SNTG2: variants seen among roughly 807,000 people sequenced by gnomAD.
SNTG2 encodes the protein gamma-2-syntrophin.
Under a neutral mutation model 70.9 loss-of-function variants are expected in SNTG2, and 74 were observed. That is an observed-to-expected ratio of 1.04 (90% CI 0.86 to 1.27). The LOEUF (loss-of-function observed/expected upper bound fraction) is 1.27. Ranked by LOEUF, SNTG2 falls within the 50% of genes most tolerant of loss-of-function variation. The probability of loss-of-function intolerance (pLI) is 0.00; values close to 1 mark genes in which losing one functional copy is unlikely to be tolerated. For missense variants in SNTG2, 717 were observed against 690.7 expected, an observed-to-expected ratio of 1.04 and a Z score of -0.43; for synonymous variants, 278 against 273.8, an observed-to-expected ratio of 1.02 and a Z score of -0.15.
intron 1 of SNTG2, among the ~76,000 whole-genome samples, chr2:1,007,413 T>C (rs1300740064): frequency 6.6e-6 from 1 of 152,186 alleles, no homozygotes; most frequent in Admixed American, 6.5e-5. Flanking sequence ...TAGACCTGAC[T>C]TGCCCTTTCC....
rs536208448 is a variant in SNTG2, at chr2:1,093,193, G to A, written c.211-5003G>A. Reference sequence around the variant, plus strand: ...TGAGCCTCGGGGCAGCTCACGATCCGCACCTGCTTGTGGGTCCTTGACTTT... The same window carrying A: ...TGAGCCTCGGGGCAGCTCACGATCCACACCTGCTTGTGGGTCCTTGACTTT... On this transcript the variant is annotated intron_variant, in intron 2 of 16. Transcript: ENST00000308624. 2.0e-3 allele frequency among the ~76,000 whole-genome samples: 311 copies of A among 152,254 alleles called. 1 individual carries two copies. Among genetic ancestry groups the A allele is most frequent in the African/African-American group, 7.0e-3 (292 of 41,540 alleles).
chr2:955,856 C>A (rs992156312), intron 1 of SNTG2, among the ~76,000 whole-genome samples: 1 of 152,182 alleles, frequency 6.6e-6, no homozygotes, highest in Non-Finnish European at 1.5e-5. Context: ...GGAGGCCTCC[C>A]GTAGTCTGGG....
At chr2:962,309 C>T (rs60954617) in intron 1 of SNTG2, among the ~76,000 whole-genome samples, 2,428 of 152,218 alleles carry the variant, frequency 0.016, 67 homozygotes, top group African/African-American at 0.055. Context: ...TGGTCTTAAG[C>T]GACCCTCCTG....
At chr2:969,749 T>C (rs1660680265) in intron 1 of SNTG2, among the ~76,000 whole-genome samples, 1 of 152,232 alleles carries the variant, frequency 6.6e-6, no homozygotes, top group African/African-American at 2.4e-5. Context: ...TTATCAGATC[T>C]AGGAGCTTTT....
At chr2:984,695 G>C (rs1372400479) in intron 1 of SNTG2, among the ~76,000 whole-genome samples, 1 of 152,164 alleles carries the variant, frequency 6.6e-6, no homozygotes, top group Non-Finnish European at 1.5e-5. Flanking sequence ...CTCCATGAGG[G>C]CACTGCCTTA....
At chr2:1,006,411 A>AG (rs1553307558) in intron 1 of SNTG2, among the ~76,000 whole-genome samples, 45 of 151,376 alleles carry the variant, frequency 3.0e-4, no homozygotes, top group South Asian at 2.9e-3. Context: ...TCAAAAAAAA[A>AG]AGAAAATTCT....
chr2:1,328,033 G>A (rs1681827518), intron 16 of SNTG2, among the ~76,000 whole-genome samples: 1 of 152,138 alleles, frequency 6.6e-6, no homozygotes. Context: ...AAGGTGAAGG[G>A]GGAGCCAGCA....
intron 1 of SNTG2, among the ~76,000 whole-genome samples, chr2:1,035,784 G>A (rs897962236): frequency 6.6e-6 from 1 of 152,014 alleles, no homozygotes; most frequent in Non-Finnish European, 1.5e-5. Flanking sequence ...TTGTATATTT[G>A]CATTTATCTT....
At chr2:1,363,114 A>G (rs1391164563) in intron 16 of SNTG2, among the ~76,000 whole-genome samples, 4 of 135,212 alleles carry the variant, frequency 3.0e-5, no homozygotes, top group East Asian at 5.2e-4. Context: ...CTCCTGTGAA[A>G]CCCTCACAAA....
chr2:1,271,780 G>C (rs36190953), intron 14 of SNTG2, among the ~76,000 whole-genome samples: 32,341 of 151,952 alleles, frequency 0.21, 4,742 homozygotes, highest in African/African-American at 0.41. Flanking sequence ...TGCCAGCCTA[G>C]GTCATGAGCC....
At chr2:1,066,323 A>C (rs1663148576) in intron 1 of SNTG2, among the ~76,000 whole-genome samples, 1 of 152,020 alleles carries the variant, frequency 6.6e-6, no homozygotes, top group African/African-American at 2.4e-5. Context: ...TCGCAGCCCA[A>C]CTCATTCAAC....
Position 951,085 on chromosome 2 carries a change from A to AGCGCCCCTTCACCTCCG in SNTG2, c.72+20_72+36dup, listed in dbSNP as rs1216204584. 10 of 1,234,742 alleles carry AGCGCCCCTTCACCTCCG rather than the reference A, an allele frequency of 8.1e-6. No homozygotes were observed. The highest frequency in any genetic ancestry group is 1.0e-5 in the Non-Finnish European group (10 of 989,428). The allele number at this position is 1,234,742 out of a possible 1,614,324, so 76.5% of individuals were successfully genotyped here. On this transcript the variant is annotated intron_variant, in intron 1 of 16. Transcript: ENST00000308624. ...CCTGCGCGGGTGAGTGCGGCCCCTC[A>AGCGCCCCTTCACCTCCG]GCGCCCCTTCACCTCCGGCCCCCCT...
At chr2:1,139,966 CA>C (rs1358342099) in intron 6 of SNTG2, among the ~76,000 whole-genome samples, 10 of 151,796 alleles carry the variant, frequency 6.6e-5, no homozygotes, top group Non-Finnish European at 1.5e-4. Context: ...TTATGTGATA[CA>C]AAATAAATTA....
chr2:1,140,226 T>TTAC (rs1558447071), intron 6 of SNTG2, among the ~76,000 whole-genome samples: 3 of 150,990 alleles, frequency 2.0e-5, no homozygotes, highest in African/African-American at 7.4e-5. Flanking sequence ...TTGGAAAATT[T>TTAC]TACTACTTTA....
chr2:1,041,500 C>A (rs1244046822), intron 1 of SNTG2, among the ~76,000 whole-genome samples: 1 of 152,166 alleles, frequency 6.6e-6, no homozygotes, highest in East Asian at 1.9e-4. Context: ...GAATTGTGAT[C>A]TCCAGTGTTG....
chr2:1,289,244 C>G (rs758695933), intron 14 of SNTG2, among the ~76,000 whole-genome samples: 5 of 152,086 alleles, frequency 3.3e-5, no homozygotes, highest in African/African-American at 4.8e-5. Context: ...ATTCTGGAAC[C>G]TCAGACCCAC....
intron 6 of SNTG2, among the ~76,000 whole-genome samples, chr2:1,162,244 G>A (rs550818161): frequency 1.3e-5 from 2 of 152,258 alleles, no homozygotes; most frequent in Non-Finnish European, 2.9e-5. Flanking sequence ...AAAAACTGGG[G>A]AAAGTCACTG....
At chr2:1,250,621 T>C (rs540664312) in intron 12 of SNTG2, among the ~76,000 whole-genome samples, 8 of 151,992 alleles carry the variant, frequency 5.3e-5, no homozygotes. Context: ...TCTCTCTATC[T>C]CTGCCTTTCT....
chr2:1,230,394 C>T (rs866138719), intron 9 of SNTG2, among the ~76,000 whole-genome samples: 5 of 152,094 alleles, frequency 3.3e-5, no homozygotes, highest in Non-Finnish European at 4.4e-5. Flanking sequence ...AAGAAAAGGC[C>T]GATGCTGAAG....
Sources: allele counts gnomAD v4.1 joint callset (sites outside exome capture counted in the v4.1 genomes callset), GRCh38; gene constraint gnomAD v4.1.1; transcripts MANE v1.5; gene names NCBI Gene and HGNC (gene_info 2026-07-23, HGNC 2026-07-21).